Variants in TMEM276 observed in about 807,000 individuals in gnomAD.
TMEM276 encodes transmembrane protein 276.
chr8:144,464,398 G>A, the TMEM276 span: 2 of 1,611,962 alleles, frequency 1.2e-6, no homozygotes, highest in Non-Finnish European at 1.7e-6. Context: ...GTGGCCGCCA[G>A]CCACTGCCAG....
the TMEM276 span, chr8:144,465,015 C>G: frequency 6.5e-7 from 1 of 1,537,480 alleles, no homozygotes; most frequent in Non-Finnish European, 8.7e-7. Flanking sequence ...CTCTAGTAAG[C>G]CCAGGTTCCA....
the TMEM276 span, chr8:144,464,484 G>A: frequency 6.8e-6 from 11 of 1,612,394 alleles, no homozygotes; most frequent in Non-Finnish European, 9.3e-6. Context: ...AGGCCAGAAG[G>A]GGAAGGCCGA....
chr8:144,464,582 G>A, the TMEM276 span: 2 of 1,610,194 alleles, frequency 1.2e-6, no homozygotes, highest in Non-Finnish European at 1.7e-6. Context: ...AAGACCTGGA[G>A]CAGGAAGCCA....
the TMEM276 span, chr8:144,465,058 G>C: frequency 6.5e-7 from 1 of 1,531,708 alleles, no homozygotes; most frequent in Non-Finnish European, 8.7e-7. Flanking sequence ...GAGAAGTTCA[G>C]TCCTAGACTT....
the TMEM276 span, chr8:144,466,390 A>C: frequency 1.0e-6 from 1 of 988,756 alleles, no homozygotes; most frequent in Non-Finnish European, 1.3e-6. Context: ...GGGCGGCGCG[A>C]AGCGGGGCCC....
At chr8:144,464,098 C>T in the TMEM276 span, 6 of 1,587,282 alleles carry the variant, frequency 3.8e-6, no homozygotes, top group South Asian at 4.6e-5. Flanking sequence ...TTCGGCAGGG[C>T]AGAAACCCTG....
the TMEM276 span, chr8:144,464,611 G>C: frequency 1.9e-6 from 3 of 1,605,524 alleles, no homozygotes; most frequent in African/African-American, 1.3e-5. Flanking sequence ...CCCTCGACTT[G>C]CCTGTCAACA....
the TMEM276 span, chr8:144,465,213 G>A: frequency 1.6e-6 from 2 of 1,237,364 alleles, no homozygotes; most frequent in Non-Finnish European, 2.1e-6. Context: ...CGGGCCTGGG[G>A]AAGAGAGAGC....
chr8:144,466,839 G>C, the TMEM276 span: 5 of 1,536,974 alleles, frequency 3.3e-6, no homozygotes, highest in Non-Finnish European at 4.4e-6. Context: ...GGCCTGGCCG[G>C]TAGGTGCGGG....
chr8:144,464,861 G>T, the TMEM276 span: 1 of 1,612,830 alleles, frequency 6.2e-7, no homozygotes, highest in South Asian at 1.1e-5. Context: ...CACCAGATGG[G>T]ACAGGGCTGT....
the TMEM276 span, chr8:144,466,896 G>T: frequency 6.5e-7 from 1 of 1,548,580 alleles, no homozygotes. Context: ...TCCCAGGGAG[G>T]GGCGGAGGCC....
the TMEM276 span, chr8:144,466,268 C>G: frequency 9.5e-6 from 2 of 209,788 alleles, no homozygotes. Context: ...TCTAGTACCC[C>G]CGTCCCCGCG....
the TMEM276 span, chr8:144,464,981 C>T: frequency 1.9e-6 from 3 of 1,563,144 alleles, no homozygotes; most frequent in South Asian, 3.5e-5. Context: ...CAGAAGCCAG[C>T]GACCTGGAGC....
At chr8:144,463,864 C>T in the TMEM276 span, 1 of 1,370,424 alleles carries the variant, frequency 7.3e-7, no homozygotes, top group South Asian at 1.9e-5. Flanking sequence ...GACTAGGCCT[C>T]TTCTCTGGAT....
At chr8:144,465,539 G>C in the TMEM276 span, 4 of 537,558 alleles carry the variant, frequency 7.4e-6, no homozygotes, top group Non-Finnish European at 4.8e-6. Flanking sequence ...GCTGGGGGGG[G>C]AGGGTCGAGG....
the TMEM276 span, chr8:144,464,602 C>G: frequency 1.2e-6 from 2 of 1,606,774 alleles, no homozygotes; most frequent in Non-Finnish European, 1.7e-6. Context: ...AGCAGCAGCC[C>G]CTCGACTTGC....
chr8:144,464,655 G>C, the TMEM276 span: 2 of 1,577,548 alleles, frequency 1.3e-6, no homozygotes, highest in Admixed American at 1.8e-5. Context: ...AAAAGAGGCC[G>C]GGGTCACCCT....
At chr8:144,466,422 G>A in the TMEM276 span, 3 of 1,332,358 alleles carry the variant, frequency 2.3e-6, no homozygotes, top group Non-Finnish European at 2.0e-6. Context: ...GCGCTCCCAT[G>A]TACGCCTTTT....
chr8:144,464,317 A>C, the TMEM276 span: 1 of 1,613,036 alleles, frequency 6.2e-7, no homozygotes, highest in African/African-American at 1.3e-5. Context: ...GAAGACAGCT[A>C]CAATGAGGAT....
Sources: gnomAD v4.1 joint callset for allele counts on GRCh38, gnomAD v4.1.1 for gene constraint, MANE v1.5 for transcripts, NCBI Gene and HGNC (gene_info 2026-07-23, HGNC 2026-07-21) for gene names.